Variants in PCTP observed in about 807,000 individuals in gnomAD.
The protein encoded by PCTP is phosphatidylcholine transfer protein.
Under a neutral mutation model 31.0 loss-of-function variants are expected in PCTP, and 27 were observed. The ratio of observed to expected loss-of-function variants is 0.87; its 90% confidence interval spans 0.64 to 1.20. The LOEUF is 1.20. Ranked by LOEUF, PCTP falls within the 50% of genes most tolerant of loss-of-function variation. PCTP has a pLI of 0.00. For missense variants in PCTP, 287 were observed against 268.2 expected, an observed-to-expected ratio of 1.07 and a Z score of -0.49; for synonymous variants, 108 against 101.2, an observed-to-expected ratio of 1.07 and a Z score of -0.40.
intron 3 of PCTP, among the ~76,000 whole-genome samples, chr17:55,815,996 CCT>C (rs1271160144): frequency 3.9e-5 from 6 of 152,176 alleles, no homozygotes; most frequent in Admixed American, 3.3e-4. Context: ...TTTCGTGGTA[CCT>C]GTCTCTAGTC....
At chr17:55,816,980 T>G (rs1019369837) in intron 3 of PCTP, among the ~76,000 whole-genome samples, 23 of 152,176 alleles carry the variant, frequency 1.5e-4, no homozygotes, top group Non-Finnish European at 2.8e-4. Context: ...CTGAGTAAAT[T>G]TCCTGGTAAA....
intron 1 of PCTP, among the ~76,000 whole-genome samples, chr17:55,752,932 G>A (rs1033544279): frequency 2.0e-5 from 3 of 152,222 alleles, no homozygotes; most frequent in African/African-American, 7.2e-5. Flanking sequence ...TTTTAGAGAT[G>A]AGGCCTTGCT....
downstream of PCTP, among the ~76,000 whole-genome samples, chr17:55,779,217 A>C (rs560422382): frequency 2.6e-5 from 4 of 152,312 alleles, no homozygotes; most frequent in African/African-American, 9.6e-5. Context: ...ATGAATGAGA[A>C]AGATATGGTG....
chr17:55,768,168 C>T (rs1003046144), intron 2 of PCTP, among the ~76,000 whole-genome samples: 24 of 152,006 alleles, frequency 1.6e-4, no homozygotes, highest in African/African-American at 5.3e-4. Context: ...CATAGTGCTT[C>T]CTATTAAATT....
At chr17:55,831,513 C>T (rs144230656) in intron 5 of PCTP, among the ~76,000 whole-genome samples, 1 of 152,258 alleles carries the variant, frequency 6.6e-6, no homozygotes, top group East Asian at 1.9e-4. Flanking sequence ...AGGAGACAGA[C>T]CTGGGTTAGT....
chr17:55,782,296 C>G (rs754870417), downstream of PCTP, among the ~76,000 whole-genome samples: 10 of 152,190 alleles, frequency 6.6e-5, no homozygotes, highest in Non-Finnish European at 1.2e-4. Context: ...CAGTCACACT[C>G]AGAATAATGT....
downstream of PCTP, among the ~76,000 whole-genome samples, chr17:55,827,800 A>T (rs1420614844): frequency 1.3e-5 from 2 of 152,152 alleles, no homozygotes; most frequent in African/African-American, 2.4e-5. Context: ...TAATTAAGGG[A>T]AGCGCTGAGA....
intron 3 of PCTP, among the ~76,000 whole-genome samples, chr17:55,811,989 T>C (rs1304610487): frequency 1.3e-5 from 2 of 152,226 alleles, no homozygotes; most frequent in Admixed American, 6.5e-5. Context: ...CATTTTCCTG[T>C]ATTTTATTAC....
downstream of PCTP, among the ~76,000 whole-genome samples, chr17:55,844,686 C>T (rs1258891242): frequency 1.3e-5 from 2 of 152,084 alleles, no homozygotes; most frequent in East Asian, 1.9e-4. Context: ...CAGCCATTTA[C>T]TGATATAATT....
intron 3 of PCTP, among the ~76,000 whole-genome samples, chr17:55,818,064 G>T (rs1256106357): frequency 1.3e-5 from 2 of 152,196 alleles, no homozygotes; most frequent in Non-Finnish European, 2.9e-5. Context: ...ACAGCTTGGG[G>T]TGGGTCAGAA....
chr17:55,776,147 G>T lies in PCTP; in HGVS notation c.*47G>T. The T allele has an allele frequency of 6.2e-7, 1 of 1,609,060 alleles. No individual in the cohort carries two copies. ...CATCCATGGGTTGATGTCTCTGGAA[G>T]TGCAACCACCCAATGTCTCTGGAAG... On this transcript the variant is annotated 3_prime_UTR_variant, in exon 6 of 6. Transcript: ENST00000268896.
intron 1 of PCTP, among the ~76,000 whole-genome samples, chr17:55,758,381 G>A (rs1910158829): frequency 6.6e-6 from 1 of 152,150 alleles, no homozygotes; most frequent in African/African-American, 2.4e-5. Flanking sequence ...CTGCATTTGG[G>A]CAGGCTGGGC....
intron 3 of PCTP, among the ~76,000 whole-genome samples, chr17:55,800,840 A>T (rs1027397604): frequency 6.6e-6 from 1 of 151,646 alleles, no homozygotes; most frequent in African/African-American, 2.4e-5. Flanking sequence ...TGTTGATGCT[A>T]TTCCTTTCCG....
the PCTP span, among the ~76,000 whole-genome samples, chr17:55,851,828 CTTCCAGTTTTTTAAA>C: frequency 1.3e-5 from 2 of 152,134 alleles, no homozygotes; most frequent in Non-Finnish European, 2.9e-5. Context: ...GCCATATTGG[CTTCCAGTTTTTTAAA>C]AGAGGTAAAA....
intron 3 of PCTP, among the ~76,000 whole-genome samples, chr17:55,795,894 G>T (rs968668435): frequency 6.6e-6 from 1 of 152,086 alleles, no homozygotes; most frequent in African/African-American, 2.4e-5. Context: ...TACCTGGGAT[G>T]ATCCCTATAC....
chr17:55,783,373 G>A (rs982438157), intron 2 of PCTP, among the ~76,000 whole-genome samples: 4 of 152,154 alleles, frequency 2.6e-5, no homozygotes, highest in African/African-American at 9.7e-5. Flanking sequence ...AATCCTGAAA[G>A]AAGAAAACCT....
At chr17:55,829,871 A>T (rs78674160) in intron 5 of PCTP, among the ~76,000 whole-genome samples, 5,823 of 152,252 alleles carry the variant, frequency 0.038, 140 homozygotes, top group Non-Finnish European at 0.054. Flanking sequence ...TCTCATTTTT[A>T]AAAAAGGGCC....
chr17:55,774,728 T>G, intron 4 of PCTP, 64 bp from the exon 5 acceptor site: 52 of 1,240,594 alleles, frequency 4.2e-5, no homozygotes, highest in Non-Finnish European at 5.5e-5. Flanking sequence ...GTTTGCACAG[T>G]TTTGTTGCTA....
intron 3 of PCTP, among the ~76,000 whole-genome samples, chr17:55,809,567 G>C (rs1039042076): frequency 6.8e-6 from 1 of 147,916 alleles, no homozygotes; most frequent in Non-Finnish European, 1.5e-5. Context: ...CTGTCACCCA[G>C]GCTGGAGTGC....
Sources: gnomAD v4.1 joint callset for allele counts (sites outside exome capture counted in the v4.1 genomes callset) on GRCh38, gnomAD v4.1.1 for gene constraint, MANE v1.5 for transcripts, NCBI Gene and HGNC (gene_info 2026-07-23, HGNC 2026-07-21) for gene names.